The following AKT3 variants were observed in gnomAD, a reference collection of about 807,000 sequenced individuals.
AKT3 encodes the protein AKT serine/threonine kinase 3.
Under a neutral mutation model 65.3 loss-of-function variants are expected in AKT3, and 15 were observed. The observed-to-expected ratio is 0.23, with a 90% CI of 0.15 to 0.35. The LOEUF (loss-of-function observed/expected upper bound fraction) is 0.35. Ranked by LOEUF, AKT3 falls within the 10% of genes least tolerant of loss-of-function variation. The pLI, the probability that AKT3 is intolerant of heterozygous loss-of-function variation, is 1.00. For synonymous variants in AKT3, 206 were observed against 183.8 expected, an observed-to-expected ratio of 1.12 and a Z score of -0.98; for missense variants, 243 against 576.5, an observed-to-expected ratio of 0.42 and a Z score of 5.92.
chr1:243,675,661 C>G (rs1326107193), intron 3 of AKT3, among the ~76,000 whole-genome samples: 1 of 152,182 alleles, frequency 6.6e-6, no homozygotes, highest in Non-Finnish European at 1.5e-5. Context: ...TGGTTTCCAC[C>G]ACTCTACTGC....
rs60854028 is a variant in AKT3 at position 243,504,623 on chromosome 1, TAA to T, written c.*624_*625del. Reference sequence around the variant, plus strand: ...TCTTCTACAGTATCCACCAGGAATTTAAAAAAAAAAAATTATATATATATATA... The same window carrying T: ...TCTTCTACAGTATCCACCAGGAATTTAAAAAAAAAATTATATATATATATA... On this transcript the variant is annotated 3_prime_UTR_variant, in exon 14 of 14. Transcript: ENST00000673466. 4 of 164,750 alleles carry T rather than the reference TAA, an allele frequency of 2.4e-5. No homozygotes were observed. The highest frequency in any genetic ancestry group is 7.5e-5 in the African/African-American group (3 of 40,148). 10.2% of individuals were successfully genotyped at this position (164,750 alleles called of 1,614,324 possible). A position where few individuals can be genotyped will look rare whatever the true frequency, so the allele number is the denominator to read the frequency against.
At chr1:243,668,794 G>C (rs1682974574) in intron 3 of AKT3, among the ~76,000 whole-genome samples, 1 of 152,140 alleles carries the variant, frequency 6.6e-6, no homozygotes, top group Admixed American at 6.6e-5. Flanking sequence ...AGAATGCAAG[G>C]CAAGGGAGTG....
rs559552412 is a variant in AKT3, at chr1:243,503,489, C to T, written c.*1760G>A. The T allele has an allele frequency of 3.3e-4, 78 of 233,462 alleles. 1 individual carries two copies. Among genetic ancestry groups the T allele is most frequent in the Admixed American group, 1.5e-3 (26 of 17,792 alleles). The allele number at this position is 233,462 out of a possible 1,614,324, so 14.5% of individuals were successfully genotyped here. ...CTAAAATACATTTCCATGATCACTC[C>T]GCGGAGTAGGATGGCCTTCTGCTTG... On this transcript the variant is annotated 3_prime_UTR_variant, in exon 14 of 14. Coordinates refer to ENST00000673466, the MANE Select transcript of AKT3 (RefSeq NM_005465.7).
chr1:243,495,169 G>A (rs1007693654), downstream of AKT3, among the ~76,000 whole-genome samples: 26 of 152,232 alleles, frequency 1.7e-4, no homozygotes, highest in Non-Finnish European at 7.3e-5. Context: ...TGCGCCCTGG[G>A]GAGGACAGGT....
intron 2 of AKT3, among the ~76,000 whole-genome samples, chr1:243,808,836 G>A (rs1692924090): frequency 6.6e-6 from 1 of 152,214 alleles, no homozygotes; most frequent in Admixed American, 6.5e-5. Flanking sequence ...TGATCTCTCG[G>A]CAGAAACTCT....
At position 243,820,143 on chromosome 1, in the gene AKT3, T is replaced by C. The variant is rs556110007; in HGVS notation, c.46+22982A>G. ...ACTGTGTTAGCCAGGATGGTCTCGA[T>C]CTCCTGATCTCATGATCCACCTGCC... On this transcript the variant is annotated intron_variant, in intron 2 of 13. Transcript: ENST00000673466. Among the ~76,000 whole-genome samples the C allele has an allele frequency of 2.6e-5, 4 of 152,244 alleles. No homozygotes were observed. The South Asian group carries it at 8.3e-4, about 32-fold the overall frequency.
At position 243,843,180 on chromosome 1, in the gene AKT3, C is replaced by A. The variant is rs1026852370; in HGVS notation, c.-10G>T. On this transcript the variant is annotated 5_prime_UTR_variant, in exon 2 of 14. Coordinates refer to ENST00000673466, the MANE Select transcript of AKT3 (RefSeq NM_005465.7). Reference sequence around the variant, plus strand: ...TGGTAACATCGCTCATGATGACTCCCCTCTGAGCCCCCAACTTGGAGAAAT... The same window carrying A: ...TGGTAACATCGCTCATGATGACTCCACTCTGAGCCCCCAACTTGGAGAAAT... 6.2e-7 allele frequency: 1 copy of A among 1,612,120 alleles called. No individual in the cohort carries two copies. Among genetic ancestry groups the A allele is most frequent in the East Asian group, 2.2e-5 (1 of 44,814 alleles).
intron 2 of AKT3, among the ~76,000 whole-genome samples, chr1:243,727,415 G>A (rs1403934521): frequency 6.6e-6 from 1 of 152,018 alleles, no homozygotes; most frequent in Non-Finnish European, 1.5e-5. Context: ...AAGTAGCTGG[G>A]ACTTCAGGCA....
At chr1:243,842,890 C>T (rs919221171) in intron 2 of AKT3, among the ~76,000 whole-genome samples, 1 of 152,182 alleles carries the variant, frequency 6.6e-6, no homozygotes, top group Non-Finnish European at 1.5e-5. Flanking sequence ...CTACACACAA[C>T]ATACCAGAAA....
At chr1:243,690,604 A>C (rs999191817) in intron 3 of AKT3, among the ~76,000 whole-genome samples, 1 of 152,096 alleles carries the variant, frequency 6.6e-6, no homozygotes, top group Non-Finnish European at 1.5e-5. Flanking sequence ...AAATATTGCT[A>C]TCCACATTCT....
intron 8 of AKT3, among the ~76,000 whole-genome samples, chr1:243,588,174 T>C (rs1287469014): frequency 6.6e-6 from 1 of 152,180 alleles, no homozygotes; most frequent in Non-Finnish European, 1.5e-5. Flanking sequence ...GACAGAACAC[T>C]AATGAGGAGG....
chr1:243,627,013 C>T (rs1302074400), intron 6 of AKT3, among the ~76,000 whole-genome samples: 1 of 152,114 alleles, frequency 6.6e-6, no homozygotes, highest in African/African-American at 2.4e-5. Context: ...AGAGATTTAG[C>T]ACATGAATTA....
upstream of AKT3, among the ~76,000 whole-genome samples, chr1:243,850,836 C>A (rs1695754537): frequency 6.6e-6 from 1 of 151,976 alleles, no homozygotes; most frequent in South Asian, 2.1e-4. Context: ...CGGGGGCAGT[C>A]GCTCCCGGGC....
At chr1:243,786,973 A>G (rs911259108) in intron 2 of AKT3, among the ~76,000 whole-genome samples, 1 of 152,240 alleles carries the variant, frequency 6.6e-6, no homozygotes, top group African/African-American at 2.4e-5. Flanking sequence ...CACAGTGTGT[A>G]TTCTAACAAG....
chr1:243,839,346 T>C (rs1695090642), intron 2 of AKT3, among the ~76,000 whole-genome samples: 1 of 152,144 alleles, frequency 6.6e-6, no homozygotes, highest in African/African-American at 2.4e-5. Context: ...TTGAGTAAGA[T>C]CATTTAGTAA....
intron 2 of AKT3, among the ~76,000 whole-genome samples, chr1:243,830,531 C>T (rs1694441058): frequency 6.6e-6 from 1 of 152,100 alleles, no homozygotes; most frequent in African/African-American, 2.4e-5. Flanking sequence ...AACTGGAAAA[C>T]AGAACTTGTT....
chr1:243,747,407 T>C (rs1688539882), intron 2 of AKT3, among the ~76,000 whole-genome samples: 1 of 152,220 alleles, frequency 6.6e-6, no homozygotes, highest in Admixed American at 6.5e-5. Context: ...CATATTTTCA[T>C]GCTTTTTTTA....
intron 1 of AKT3, chr1:243,843,706 C>G: frequency 2.3e-6 from 1 of 441,286 alleles, no homozygotes; most frequent in East Asian, 1.6e-4. Context: ...GGCTGGAGTA[C>G]AGTGGCGCGA....
At chr1:243,661,815 G>A (rs1682364317) in intron 4 of AKT3, among the ~76,000 whole-genome samples, 1 of 149,636 alleles carries the variant, frequency 6.7e-6, no homozygotes, top group South Asian at 2.1e-4. Context: ...ATCTGACAAA[G>A]AGCTAATATC....
Sources: allele counts gnomAD v4.1 joint callset (sites outside exome capture counted in the v4.1 genomes callset), GRCh38; gene constraint gnomAD v4.1.1; transcripts MANE v1.5; gene names NCBI Gene and HGNC (gene_info 2026-07-23, HGNC 2026-07-21).